Variants in CNST observed in about 807,000 individuals in gnomAD.
CNST encodes consortin, connexin sorting protein.
A neutral mutation model predicts 72.4 loss-of-function variants in CNST; 39 were observed. The observed-to-expected ratio is 0.54, with a 90% CI of 0.42 to 0.70. The LOEUF (loss-of-function observed/expected upper bound fraction) is 0.70, where lower values mean the gene tolerates loss of function less well. Among genes scored for constraint, CNST ranks in the 30% least tolerant of loss-of-function variants. The pLI is 0.00. For missense variants in CNST, 871 were observed against 868.5 expected (o/e 1.00, Z -0.04); for synonymous variants, 332 against 320.1 (o/e 1.04, Z -0.40).
chr1:246,657,357 A>G (rs1572251931), intron 9 of CNST, among the ~76,000 whole-genome samples: 4 of 152,290 alleles, frequency 2.6e-5, no homozygotes, highest in Admixed American at 2.6e-4. Flanking sequence ...AGAAAGACCT[A>G]GAGAAGATCA....
Position 246,647,632 on chromosome 1 carries a change from G to A in CNST, c.1431G>A (p.Glu477=). 4 of 1,614,132 alleles carry A rather than the reference G, an allele frequency of 2.5e-6. No homozygotes were observed. The highest frequency in any genetic ancestry group is 3.4e-6 in the Non-Finnish European group (4 of 1,180,044). ...AGGCGTTGCCCACAGACCAACTTGA[G>A]AACAATGAATTAAATGAGCTGCAGC... ...ASEALPTDQL[E]NNELNELQQP... is the part of the protein sequence containing the mutation. The change falls in exon 9 of 11, where the codon GAG becomes GAA. Residue 477 remains glutamate (E), a synonymous_variant. Coordinates refer to ENST00000366513, the MANE Select transcript of CNST (RefSeq NM_152609.3).
rs774092652 is a variant in CNST, at chr1:246,660,345, T to G, written c.1972+11T>G. 1 of 1,609,492 alleles carries G rather than the reference T, an allele frequency of 6.2e-7. No homozygotes were observed. The highest frequency in any genetic ancestry group is 1.7e-5 in the Admixed American group (1 of 58,756). On this transcript the variant is annotated intron_variant, in intron 10 of 10. Coordinates refer to ENST00000366513, the MANE Select transcript of CNST (RefSeq NM_152609.3). ...ATAGCTTGGATCAAGGTAAACCGCT[T>G]GGCACTGTGGCTAGCAGGATAGATG... is the stretch of plus-strand genomic sequence containing the variant.
chr1:246,571,573 C>A (rs188071912), intron 1 of CNST, among the ~76,000 whole-genome samples: 1 of 152,110 alleles, frequency 6.6e-6, no homozygotes, highest in Non-Finnish European at 1.5e-5. Context: ...TCATTAGCCA[C>A]GTGGAAAGGA....
chr1:246,629,928 C>T (rs6704315), intron 3 of CNST, among the ~76,000 whole-genome samples: 62,573 of 151,990 alleles, frequency 0.41, 13,634 homozygotes, highest in East Asian at 0.67. Flanking sequence ...GACAGTATTT[C>T]GCCATGTTGG....
chr1:246,622,748 T>TC (rs1456504408), intron 3 of CNST, among the ~76,000 whole-genome samples: 2 of 152,036 alleles, frequency 1.3e-5, no homozygotes, highest in African/African-American at 4.8e-5. Flanking sequence ...GAGGAAACTT[T>TC]TTTTTTTACA....
In CNST at chr1:246,576,601, C is replaced by T. The variant is rs183115716; in HGVS notation, c.-52+9938C>T. 4.8e-4 allele frequency among the ~76,000 whole-genome samples: 72 copies of T among 151,310 alleles called. 1 individual carries two copies. The highest frequency in any genetic ancestry group is 1.7e-3 in the African/African-American group (69 of 41,038). On this transcript the variant is annotated intron_variant, in intron 1 of 10. Coordinates refer to ENST00000366513, the MANE Select transcript of CNST (RefSeq NM_152609.3). ...ACCTCTGCCTCCCAGGTTCAAGTGA[C>T]TCTCCTGCCTCAGCCTCTTTAGTAG...
chr1:246,608,875 C>T (rs1203208202), intron 2 of CNST, among the ~76,000 whole-genome samples: 2 of 152,222 alleles, frequency 1.3e-5, no homozygotes, highest in African/African-American at 2.4e-5. Context: ...AGAATAGTGT[C>T]GCCATGTTGT....
At chr1:246,606,738 C>A (rs538790080) in intron 2 of CNST, 5 of 151,860 alleles carry the variant, frequency 3.3e-5, no homozygotes, top group Non-Finnish European at 7.4e-5. Flanking sequence ...TTCCTCCTGC[C>A]TTTAAGGACC....
intron 6 of CNST, among the ~76,000 whole-genome samples, chr1:246,635,821 G>A (rs1047863146): frequency 6.6e-6 from 1 of 152,170 alleles, no homozygotes; most frequent in Non-Finnish European, 1.5e-5. Context: ...ATCCATTGCG[G>A]AGGCCACTCG....
At chr1:246,632,435 C>T in intron 4 of CNST, 2 of 207,886 alleles carry the variant, frequency 9.6e-6, no homozygotes, top group Non-Finnish European at 2.0e-5. Context: ...CAGTAAGGGA[C>T]CCCCATTTTA....
Position 246,641,950 on chromosome 1 carries a change from G to A in CNST, c.850G>A (p.Val284Met), listed in dbSNP as rs138732495. 6.8e-6 allele frequency: 11 copies of A among 1,610,348 alleles called. No homozygotes were observed. The African/African-American group carries it at 1.2e-4, about 18-fold the overall frequency. Reference sequence around the variant, plus strand: ...GTTTTAAACTTTTTAGATAGCAGCTGTGGAGAAGTCCCAGGAAAGGAAATG... The same window carrying A: ...GTTTTAAACTTTTTAGATAGCAGCTATGGAGAAGTCCCAGGAAAGGAAATG... ...PLLSKHKIAA[V>M]EKSQERKCST... Residue 284 changes from valine (V) to methionine (M), a missense_variant, in exon 8 of 11, where the codon GTG becomes ATG. Val to Met is a conservative substitution (Grantham distance 21). Transcript: ENST00000366513.
At chr1:246,637,926 G>A (rs905250073) in intron 6 of CNST, among the ~76,000 whole-genome samples, 7 of 152,302 alleles carry the variant, frequency 4.6e-5, no homozygotes, top group South Asian at 2.1e-4. Context: ...TATCAGGTGA[G>A]TGAAGTCTAC....
At chr1:246,567,050 TC>T (rs1186581486) in intron 1 of CNST, among the ~76,000 whole-genome samples, 3 of 126,974 alleles carry the variant, frequency 2.4e-5, no homozygotes, top group South Asian at 3.1e-4. Context: ...CCACACCTGG[TC>T]CCCCCCATCA....
At chr1:246,580,158 A>T (rs1470592836) in intron 1 of CNST, among the ~76,000 whole-genome samples, 1 of 152,188 alleles carries the variant, frequency 6.6e-6, no homozygotes, top group Non-Finnish European at 1.5e-5. Context: ...AGGTTAAAAA[A>T]TTAAGATGTA....
intron 6 of CNST, among the ~76,000 whole-genome samples, chr1:246,635,904 G>A (rs1178261649): frequency 9.2e-5 from 14 of 152,124 alleles, no homozygotes; most frequent in Non-Finnish European, 1.5e-4. Flanking sequence ...CAGGGACTCC[G>A]AGGGTGTTGC....
chr1:246,589,922 A>G (rs1017499345), intron 1 of CNST, among the ~76,000 whole-genome samples: 26 of 152,134 alleles, frequency 1.7e-4, no homozygotes, highest in Non-Finnish European at 1.0e-4. Context: ...TCTTTTGAGA[A>G]GTGTCTGTTC....
At chr1:246,570,788 C>G (rs1334814179) in intron 1 of CNST, among the ~76,000 whole-genome samples, 1 of 152,132 alleles carries the variant, frequency 6.6e-6, no homozygotes, top group African/African-American at 2.4e-5. Flanking sequence ...ACAAGTGAGT[C>G]TTAGCAAATT....
intron 6 of CNST, among the ~76,000 whole-genome samples, chr1:246,635,840 C>T (rs181551049): frequency 0.017 from 2,531 of 152,266 alleles, 140 homozygotes; most frequent in Admixed American, 0.11. Context: ...CGTCCTCTCA[C>T]GGTCTTTGGC....
rs147344816 is a variant in CNST at position 246,647,711 on chromosome 1, G to C, written c.1510G>C (p.Asp504His). Reference protein sequence around the residue: ...GKSPQAQADSDGSENVLCGNN... With the variant: ...GKSPQAQADSHGSENVLCGNN... Reference sequence around the variant, plus strand: ...ATCACCACAGGCGCAGGCTGACTCAGACGGTTCTGAGAATGTGCTCTGTGG... The same window carrying C: ...ATCACCACAGGCGCAGGCTGACTCACACGGTTCTGAGAATGTGCTCTGTGG... Residue 504 changes from aspartate to histidine, a missense_variant, in exon 9 of 11, where the codon GAC becomes CAC. Physicochemically the swap from Asp to His is moderately conservative, Grantham distance 81. Transcript: ENST00000366513. 3.2e-5 allele frequency: 52 copies of C among 1,614,052 alleles called. No individual in the cohort carries two copies. The African/African-American group carries it at 6.3e-4, about 19-fold the overall frequency.
Sources: allele counts gnomAD v4.1 joint callset (sites outside exome capture counted in the v4.1 genomes callset), GRCh38; gene constraint gnomAD v4.1.1; transcripts MANE v1.5; gene names NCBI Gene and HGNC (gene_info 2026-07-23, HGNC 2026-07-21).